Variants in AHCTF1 observed in about 807,000 individuals in gnomAD.
The protein encoded by AHCTF1 is AT-hook containing transcription factor 1.
A neutral mutation model predicts 248.4 loss-of-function variants in AHCTF1; 24 were observed. The ratio of observed to expected loss-of-function variants is 0.10; its 90% CI spans 0.07 to 0.14. The LOEUF (loss-of-function observed/expected upper bound fraction) is 0.14. AHCTF1 is among the 10% of genes least tolerant of loss of function. AHCTF1 has a pLI of 1.00. For missense variants in AHCTF1, 2,206 were observed against 2,636.2 expected, an observed-to-expected ratio of 0.84 and a Z score of 3.57; for synonymous variants, 786 against 929.8, an observed-to-expected ratio of 0.85 and a Z score of 2.81.
chr1:246,915,995 C>CT (rs1420683029), intron 3 of AHCTF1, 147 bp downstream of exon 3: 3 of 944,222 alleles, frequency 3.2e-6, no homozygotes, highest in Non-Finnish European at 4.6e-6. Flanking sequence ...ATTCTAAACA[C>CT]TTTACCTAAG....
chr1:246,912,003 G>A (rs916817359), intron 4 of AHCTF1, among the ~76,000 whole-genome samples: 2 of 151,686 alleles, frequency 1.3e-5, no homozygotes, highest in African/African-American at 2.4e-5. Flanking sequence ...GCGTGATCTC[G>A]GTTCACTGCA....
intron 25 of AHCTF1, 53 bp from the exon 26 acceptor site, chr1:246,867,404 A>G (rs937933337): frequency 1.6e-6 from 2 of 1,215,896 alleles, no homozygotes; most frequent in South Asian, 2.9e-5. Flanking sequence ...ACTGATAACA[A>G]GTGGATGAGA....
At chr1:246,888,112 C>T (rs1663957041) in intron 19 of AHCTF1, 65 bp downstream of exon 19, 1 of 1,551,070 alleles carries the variant, frequency 6.4e-7, no homozygotes, top group Non-Finnish European at 8.8e-7. Flanking sequence ...GTCAGGTTTC[C>T]ACTACTCTTG....
intron 1 of AHCTF1, among the ~76,000 whole-genome samples, chr1:246,930,030 C>T (rs944895483): frequency 4.5e-4 from 65 of 144,524 alleles, no homozygotes; most frequent in African/African-American, 1.5e-3. Flanking sequence ...CCAGCCTGGG[C>T]AACAGAGCAA....
intron 26 of AHCTF1, among the ~76,000 whole-genome samples, chr1:246,865,075 A>G (rs1274310905): frequency 6.6e-6 from 1 of 152,232 alleles, no homozygotes; most frequent in Non-Finnish European, 1.5e-5. Flanking sequence ...TAAGTTTTAA[A>G]GCTTAATTTA....
At chr1:246,905,861 G>A (rs1558266587) in intron 5 of AHCTF1, among the ~76,000 whole-genome samples, 1 of 152,138 alleles carries the variant, frequency 6.6e-6, no homozygotes, top group Non-Finnish European at 1.5e-5. Context: ...CCATCCCCCA[G>A]AGACAGAACT....
At position 246,885,473 on chromosome 1, in the gene AHCTF1, G is replaced by C. The variant is rs1257200361; in HGVS notation, c.2660+20C>G. On this transcript the variant is annotated intron_variant, in intron 21 of 35. Transcript: ENST00000648844. The stretch of plus-strand genomic sequence containing the variant: ...TAACAGATACGATAAAGACTTTATA[G>C]TTTCAAAAGATGTACTTACCTATTA... 1 of 1,562,156 alleles carries C rather than the reference G, an allele frequency of 6.4e-7. No individual in the cohort carries two copies. The highest frequency in any genetic ancestry group is 1.1e-5 in the South Asian group (1 of 87,002).
rs1296341150 is a variant in AHCTF1, at chr1:246,913,225, T to G, written c.556+7A>C. ...CCATTTTTGGTTTCAAGTAAAGAAC[T>G]GATTACCTGATGCTTCAACTTCATT... On this transcript the variant is annotated splice_region_variant and intron_variant, in intron 4 of 35. Transcript: ENST00000648844. 6.3e-7 allele frequency: 1 copy of G among 1,584,094 alleles called. No individual in the cohort carries two copies. Among genetic ancestry groups the G allele is most frequent in the Non-Finnish European group, 8.6e-7 (1 of 1,162,602 alleles).
intron 17 of AHCTF1, among the ~76,000 whole-genome samples, chr1:246,889,568 G>T (rs932469045): frequency 1.3e-5 from 2 of 152,104 alleles, no homozygotes; most frequent in Non-Finnish European, 2.9e-5. Flanking sequence ...TCCCACAATT[G>T]CCATGCATCA....
intron 3 of AHCTF1, 87 bp from the exon 4 acceptor site, chr1:246,913,499 C>T: frequency 7.7e-7 from 1 of 1,307,152 alleles, no homozygotes; most frequent in Non-Finnish European, 1.0e-6. Context: ...AGCAGGTTAT[C>T]AGTTATAATA....
intron 1 of AHCTF1, chr1:246,931,196 C>T: frequency 6.5e-7 from 1 of 1,550,320 alleles, no homozygotes; most frequent in East Asian, 2.4e-5. Flanking sequence ...CCGGCCGCTT[C>T]CCTCGGGGAA....
chr1:246,888,328 C>T, intron 18 of AHCTF1, 66 bp downstream of exon 18: 1 of 1,611,914 alleles, frequency 6.2e-7, no homozygotes, highest in Non-Finnish European at 8.5e-7. Context: ...AGACACACAG[C>T]TAAGCATGTC....
At position 246,850,756 on chromosome 1, in the gene AHCTF1, A is replaced by G; in HGVS notation, c.5250T>C (p.Asn1750=). 5 of 1,613,764 alleles carry G rather than the reference A, an allele frequency of 3.1e-6. No homozygotes were observed. The highest frequency in any genetic ancestry group is 4.2e-6 in the Non-Finnish European group (5 of 1,179,780). ...ATGCTTCCTGTTGTGCTGATTTGAC[A>G]TTCACGTTTTGGATACGTTGACCTC... ...RTRGQRIQNV[N]VKSAQQEASA... Residue 1750 remains asparagine (N), a synonymous_variant, in exon 33 of 36, where the codon AAT becomes AAC. Transcript: ENST00000648844.
chr1:246,872,711 T>C (rs189727244), intron 24 of AHCTF1, among the ~76,000 whole-genome samples: 74 of 152,300 alleles, frequency 4.9e-4, no homozygotes, highest in Non-Finnish European at 4.4e-4. Context: ...CTATCATGGG[T>C]GCTGAAAGGG....
At position 246,905,636 on chromosome 1, in the gene AHCTF1, A is replaced by G. The variant is rs1398340471; in HGVS notation, c.786T>C (p.Ser262=). The G allele has an allele frequency of 1.2e-6, 2 of 1,612,510 alleles. No homozygotes were observed. The highest frequency in any genetic ancestry group is 2.7e-5 in the African/African-American group (2 of 74,912). ...MKREYYIQLE[S]GQVPVYAVTF... ...TGACAGCATATACAGGAACTTGTCC[A>G]CTTTCCAATTGTATGTAATATCTGA... Residue 262 remains serine, a synonymous_variant, in exon 6 of 36, where the codon AGT becomes AGC. Transcript: ENST00000648844.
intron 24 of AHCTF1, among the ~76,000 whole-genome samples, chr1:246,873,699 C>A (rs545349787): frequency 6.6e-6 from 1 of 152,322 alleles, no homozygotes; most frequent in Admixed American, 6.5e-5. Context: ...CTGTCCTATA[C>A]TGAATATACT....
At position 246,851,164 on chromosome 1, in the gene AHCTF1, T is replaced by C; in HGVS notation, c.4842A>G (p.Leu1614=). 1 of 1,613,942 alleles carries C rather than the reference T, an allele frequency of 6.2e-7. No individual in the cohort carries two copies. The highest frequency in any genetic ancestry group is 2.2e-5 in the East Asian group (1 of 44,878). Residue 1614 remains leucine (L), a synonymous_variant, in exon 33 of 36, where the codon TTA becomes TTG. Transcript: ENST00000648844. ...CAGTTGCTGTGTTAGCTGCTTTAGG[T>C]AACACATCAGATGATGCAAAATCAC... is the stretch of plus-strand genomic sequence containing the variant. The part of the protein sequence containing the change: ...EPGDFASSDV[L]PKAANTATEE...
intron 24 of AHCTF1, among the ~76,000 whole-genome samples, chr1:246,873,626 C>T (rs1395449068): frequency 6.6e-6 from 1 of 152,124 alleles, no homozygotes; most frequent in African/African-American, 2.4e-5. Flanking sequence ...TGTCCCAATA[C>T]TAAATATACT....
In AHCTF1 at chr1:246,851,278, A is replaced by G. The variant is rs756440164; in HGVS notation, c.4728T>C (p.Cys1576=). The change falls in exon 33 of 36, where the codon TGT becomes TGC. Residue 1576 remains cysteine (C), a synonymous_variant. Coordinates refer to ENST00000648844, the MANE Select transcript of AHCTF1 (RefSeq NM_001323342.2). ...DLADNKDTAE[C]DIAEVDGELF... ...GTTCCCCATCTACTTCAGCAATGTC[A>G]CATTCAGCAGTGTCTTTGTTATCAG... 1.9e-6 allele frequency: 3 copies of G among 1,613,956 alleles called. No homozygotes were observed. Among genetic ancestry groups the G allele is most frequent in the Middle Eastern group, 3.3e-4 (2 of 6,054 alleles).
Sources: allele counts gnomAD v4.1 joint callset (sites outside exome capture counted in the v4.1 genomes callset), GRCh38; gene constraint gnomAD v4.1.1; transcripts MANE v1.5; gene names NCBI Gene and HGNC (gene_info 2026-07-23, HGNC 2026-07-21).